Variants in IL1RAPL1 observed in about 807,000 individuals in gnomAD.
The protein encoded by IL1RAPL1 is interleukin-1 receptor accessory protein-like 1.
Under a neutral mutation model 48.4 loss-of-function variants are expected in IL1RAPL1, and 3 were observed. The observed-to-expected ratio is 0.06, with a 90% CI of 0.03 to 0.16. The LOEUF is 0.16. Among genes scored for constraint, IL1RAPL1 ranks in the 10% least tolerant of loss-of-function variants. The probability of loss-of-function intolerance (pLI) is 1.00; values close to 1 mark genes in which losing one functional copy is unlikely to be tolerated. For missense variants in IL1RAPL1, 349 were observed against 530.6 expected, an observed-to-expected ratio of 0.66 and a Z score of 3.36; for synonymous variants, 185 against 187.7, an observed-to-expected ratio of 0.99 and a Z score of 0.12.
At chrX:29,122,573 C>G (rs1352854218) in intron 2 of IL1RAPL1, among the ~76,000 whole-genome samples, 1 of 107,618 alleles carries the variant, frequency 9.3e-6, no homozygotes, top group Non-Finnish European at 1.9e-5. Context: ...ATTTCAGGCT[C>G]CTAGGAAAGC....
intron 2 of IL1RAPL1, among the ~76,000 whole-genome samples, chrX:29,265,198 C>G (rs1037345523): frequency 9.0e-6 from 1 of 111,080 alleles, no homozygotes; most frequent in African/African-American, 3.3e-5. Flanking sequence ...CAGGCATGAG[C>G]CACCACGCCT....
chrX:29,127,353 C>T (rs755339536), intron 2 of IL1RAPL1, among the ~76,000 whole-genome samples: 2 of 111,752 alleles, frequency 1.8e-5, no homozygotes, highest in East Asian at 5.6e-4. Context: ...TTAGGATCTG[C>T]ATACATAGCA....
chrX:28,856,179 T>G (rs1241458829), intron 2 of IL1RAPL1, among the ~76,000 whole-genome samples: 1 of 111,944 alleles, frequency 8.9e-6, no homozygotes, highest in Non-Finnish European at 1.9e-5. Context: ...TTTGAGACAT[T>G]AGGAACTCCT....
chrX:29,349,825 G>A (rs1933199516), intron 3 of IL1RAPL1, among the ~76,000 whole-genome samples: 1 of 109,179 alleles, frequency 9.2e-6, no homozygotes, highest in African/African-American at 3.3e-5. Context: ...GGTGCTCAGC[G>A]GCAGTATAAT....
intron 2 of IL1RAPL1, among the ~76,000 whole-genome samples, chrX:28,822,842 C>T (rs771064318): frequency 1.8e-5 from 2 of 111,910 alleles, no homozygotes; most frequent in South Asian, 3.7e-4. Flanking sequence ...ATCATCAGGA[C>T]CCTGCATCTT....
At chrX:29,646,256 GATAATA>G (rs1925322603) in intron 5 of IL1RAPL1, among the ~76,000 whole-genome samples, 1 of 111,737 alleles carries the variant, frequency 8.9e-6, no homozygotes, top group African/African-American at 3.3e-5. Flanking sequence ...AAATTGAAAT[GATAATA>G]ATAAAATATT....
intron 5 of IL1RAPL1, among the ~76,000 whole-genome samples, chrX:29,453,034 C>G (rs1934698117): frequency 9.5e-6 from 1 of 105,050 alleles, no homozygotes; most frequent in Non-Finnish European, 1.9e-5. Context: ...AAGCAATTCT[C>G]CTGCCTCAAC....
chrX:29,058,098 G>A (rs778354537), intron 2 of IL1RAPL1, among the ~76,000 whole-genome samples: 1 of 111,073 alleles, frequency 9.0e-6, no homozygotes, highest in African/African-American at 3.3e-5. Flanking sequence ...GAAAGAGGCC[G>A]GGCGCAGTGG....
At chrX:29,796,305 A>G (rs748644219) in intron 6 of IL1RAPL1, among the ~76,000 whole-genome samples, 3 of 112,459 alleles carry the variant, frequency 2.7e-5, no homozygotes, top group African/African-American at 9.7e-5. Flanking sequence ...TTTTTATTTC[A>G]TATGCATACT....
intron 2 of IL1RAPL1, among the ~76,000 whole-genome samples, chrX:29,183,287 C>T (rs928243360): frequency 7.2e-5 from 8 of 111,603 alleles, no homozygotes; most frequent in East Asian, 2.8e-4. Context: ...TGACTGAGTT[C>T]GCTCTGATCA....
rs186438080 is a variant in IL1RAPL1, at chrX:29,504,764, T to C, written c.703+105456T>C. On this transcript the variant is annotated intron_variant, in intron 5 of 10. Transcript: ENST00000378993. ...GGAATTCTTGAAGGCAGCATATGGGTAGGACTTGTTTCTTTATCCATTCAG... is the reference window on the plus strand; with the variant it reads ...GGAATTCTTGAAGGCAGCATATGGGCAGGACTTGTTTCTTTATCCATTCAG... Among the ~76,000 whole-genome samples, 5 of 112,454 alleles carry C rather than the reference T, an allele frequency of 4.4e-5. No homozygotes were observed. In the East Asian group the frequency reaches 1.4e-3, roughly 31 times the overall value.
intron 1 of IL1RAPL1, among the ~76,000 whole-genome samples, chrX:28,782,286 A>G (rs1185985792): frequency 1.8e-5 from 2 of 112,063 alleles, no homozygotes; most frequent in Admixed American, 9.5e-5. Flanking sequence ...AACACAATAA[A>G]TATTCCATTT....
intron 3 of IL1RAPL1, among the ~76,000 whole-genome samples, chrX:29,388,478 A>G (rs775892717): frequency 2.7e-5 from 3 of 112,566 alleles, no homozygotes; most frequent in Non-Finnish European, 5.6e-5. Context: ...TTGTTCATGC[A>G]TGTTCATAGC....
intron 5 of IL1RAPL1, among the ~76,000 whole-genome samples, chrX:29,659,891 A>G (rs1483150449): frequency 8.9e-6 from 1 of 111,967 alleles, no homozygotes; most frequent in Non-Finnish European, 1.9e-5. Flanking sequence ...CATATAAGGA[A>G]CTACCTGAGA....
chrX:28,768,755 C>CTATATATATATATA (rs1207885215), intron 1 of IL1RAPL1, among the ~76,000 whole-genome samples: 8 of 34,865 alleles, frequency 2.3e-4, no homozygotes, highest in Non-Finnish European at 3.3e-4. Flanking sequence ...CTCTCTCTCT[C>CTATATATATATATA]TATATATATA....
Position 28,831,026 on chromosome X carries a change from C to CTCTCTCTG in IL1RAPL1, c.82+41602_82+41603insCTCTCTGT, listed in dbSNP as rs1438889606. On this transcript the variant is annotated intron_variant, in intron 2 of 10. Coordinates refer to ENST00000378993, the MANE Select transcript of IL1RAPL1 (RefSeq NM_014271.4). ...TCTCTCTCTCTCTCTCTCTCTCTCT[C>CTCTCTCTG]TGTGTGTGTGTGTGTGTGTGTGTGT... is the stretch of plus-strand genomic sequence containing the variant. Among the ~76,000 whole-genome samples, 28 of 33,648 alleles carry CTCTCTCTG rather than the reference C, an allele frequency of 8.3e-4. 1 individual carries two copies. Among genetic ancestry groups the CTCTCTCTG allele is most frequent in the South Asian group, 2.0e-3 (1 of 496 alleles). The allele number at this position is 33,648 out of a possible 115,157, so 29.2% of individuals were successfully genotyped here.
intron 9 of IL1RAPL1, among the ~76,000 whole-genome samples, chrX:29,953,896 T>C (rs1000550540): frequency 9.0e-6 from 1 of 110,801 alleles, no homozygotes; most frequent in Admixed American, 9.6e-5. Flanking sequence ...TCCAAACATA[T>C]GGCTTTTACA....
At chrX:29,785,495 T>C (rs1355260585) in intron 6 of IL1RAPL1, among the ~76,000 whole-genome samples, 1 of 112,350 alleles carries the variant, frequency 8.9e-6, no homozygotes, top group African/African-American at 3.2e-5. Context: ...CAAATAGATG[T>C]ATGCTTTACA....
intron 2 of IL1RAPL1, among the ~76,000 whole-genome samples, chrX:29,053,564 C>T (rs1927145253): frequency 8.9e-6 from 1 of 111,750 alleles, no homozygotes; most frequent in African/African-American, 3.3e-5. Flanking sequence ...ATAACAGCAC[C>T]TGTTGAGTTT....
Sources: gnomAD v4.1 joint callset for allele counts (sites outside exome capture counted in the v4.1 genomes callset) on GRCh38, gnomAD v4.1.1 for gene constraint, MANE v1.5 for transcripts, NCBI Gene and HGNC (gene_info 2026-07-23, HGNC 2026-07-21) for gene names.